Variants in RBFOX1 observed in about 807,000 individuals in gnomAD.
RBFOX1 encodes RNA binding protein fox-1 homolog 1.
In RBFOX1, 8 loss-of-function variants were observed where a neutral mutation model predicts 57.7. That is an observed-to-expected ratio of 0.14 (90% CI 0.08 to 0.25). The LOEUF is 0.25. Among genes scored for constraint, RBFOX1 ranks in the 10% least tolerant of loss-of-function variants. The pLI, the probability that RBFOX1 is intolerant of heterozygous loss-of-function variation, is 1.00. For missense variants in RBFOX1, 611 were observed against 548.5 expected (o/e 1.11, Z -1.14); for synonymous variants, 326 against 222.4 (o/e 1.47, Z -4.15).
chr16:6,860,363 T>C lies in RBFOX1; in HGVS notation c.-15-191694T>C, dbSNP rs2058773711. ...GGGTGGTAATATTTGGGAAGCATCT[T>C]GGAAAGCATTTGTTATTTCAAACTC... On this transcript the variant is annotated intron_variant, in intron 3 of 15. Coordinates refer to ENST00000550418, the MANE Select transcript of RBFOX1 (RefSeq NM_018723.4). Among the ~76,000 whole-genome samples the C allele has an allele frequency of 2.0e-5, 3 of 152,198 alleles. No individual in the cohort carries two copies. The South Asian group carries it at 6.2e-4, about 32-fold the overall frequency.
At chr16:6,042,438 G>C (rs373422132) in intron 1 of RBFOX1, among the ~76,000 whole-genome samples, 1 of 152,020 alleles carries the variant, frequency 6.6e-6, no homozygotes. Context: ...GATTATACTG[G>C]ACCTATCCAG....
intron 3 of RBFOX1, among the ~76,000 whole-genome samples, chr16:6,961,223 G>C (rs2082937391): frequency 1.3e-5 from 2 of 151,866 alleles, no homozygotes; most frequent in South Asian, 4.1e-4. Flanking sequence ...AAGCTGATAG[G>C]ATGTCCCTGA....
rs1449955230 is a variant in RBFOX1, at chr16:7,258,516, T to A, written c.27+206418T>A. 5.3e-5 allele frequency among the ~76,000 whole-genome samples: 8 copies of A among 152,314 alleles called. No homozygotes were observed. The South Asian group carries it at 8.3e-4, about 16-fold the overall frequency. ...GAGGCGAATTACTGCAAGTAGATTA[T>A]GAAATATTGTTGTACATGCACGTAA... On this transcript the variant is annotated intron_variant, in intron 4 of 15. Transcript: ENST00000550418.
At chr16:6,048,769 GT>G (rs2095521039) in intron 1 of RBFOX1, among the ~76,000 whole-genome samples, 1 of 152,128 alleles carries the variant, frequency 6.6e-6, no homozygotes, top group Non-Finnish European at 1.5e-5. Flanking sequence ...GGTAGGTATG[GT>G]TTTCGTTCAT....
chr16:6,536,321 T>C (rs1024988886), intron 2 of RBFOX1, among the ~76,000 whole-genome samples: 1 of 152,284 alleles, frequency 6.6e-6, no homozygotes, highest in South Asian at 2.1e-4. Flanking sequence ...AAAATAGATA[T>C]CACTTTGCAA....
intron 1 of RBFOX1, among the ~76,000 whole-genome samples, chr16:6,067,164 G>T (rs2095776189): frequency 6.6e-6 from 1 of 152,138 alleles, no homozygotes; most frequent in South Asian, 2.1e-4. Context: ...TGGTGCTTCT[G>T]TAAGAAGACA....
At chr16:6,595,115 C>T (rs1176259425) in intron 2 of RBFOX1, among the ~76,000 whole-genome samples, 1 of 152,094 alleles carries the variant, frequency 6.6e-6, no homozygotes, top group African/African-American at 2.4e-5. Flanking sequence ...ATTCACAGAG[C>T]TGGGCAATCA....
At chr16:7,178,964 C>T (rs1174625149) in intron 4 of RBFOX1, among the ~76,000 whole-genome samples, 2 of 152,108 alleles carry the variant, frequency 1.3e-5, no homozygotes, top group African/African-American at 2.4e-5. Flanking sequence ...ACTGCTGGCC[C>T]ATTATAATTT....
chr16:5,737,130 C>T (rs1189491352), intron 3 of RBFOX1, among the ~76,000 whole-genome samples: 2 of 152,042 alleles, frequency 1.3e-5, no homozygotes, highest in Non-Finnish European at 2.9e-5. Context: ...CCACTTTCTG[C>T]TGGATGCTTC....
intron 2 of RBFOX1, among the ~76,000 whole-genome samples, chr16:6,559,110 TATGTGTG>T (rs1240815423): frequency 1.1e-5 from 1 of 92,834 alleles, no homozygotes; most frequent in African/African-American, 5.9e-5. Context: ...TATATATACA[TATGTGTG>T]TGTGTGTGTG....
intron 2 of RBFOX1, among the ~76,000 whole-genome samples, chr16:5,470,353 A>G (rs184683044): frequency 2.6e-5 from 4 of 152,316 alleles, no homozygotes; most frequent in East Asian, 1.9e-4. Context: ...GGTCCCTGGT[A>G]TACCCCCTTT....
intron 1 of RBFOX1, among the ~76,000 whole-genome samples, chr16:5,312,907 G>A (rs2064131045): frequency 6.6e-6 from 1 of 152,196 alleles, no homozygotes; most frequent in East Asian, 1.9e-4. Context: ...CAGTCTTGCT[G>A]CCTCTCACAT....
At chr16:6,293,902 GT>G (rs57616106) in intron 1 of RBFOX1, among the ~76,000 whole-genome samples, 3,024 of 18,182 alleles carry the variant, frequency 0.17, 107 homozygotes, top group African/African-American at 0.26. Flanking sequence ...GAGCGGGGGG[GT>G]GGTGGAAATA....
rs373242721 is a variant in RBFOX1 at position 6,799,762 on chromosome 16, T to G, written c.-16+145112T>G. On this transcript the variant is annotated intron_variant, in intron 3 of 15. Transcript: ENST00000550418. ...CCTTGACCATCAGCCTCCAGGTTCT[T>G]TAGCCTTTGGACCGCTGGACTTAAC... Among the ~76,000 whole-genome samples, 7 of 152,214 alleles carry G rather than the reference T, an allele frequency of 4.6e-5. No individual in the cohort carries two copies. The South Asian group carries it at 1.2e-3, about 27-fold the overall frequency.
intron 3 of RBFOX1, among the ~76,000 whole-genome samples, chr16:5,804,558 G>A (rs1247333746): frequency 6.6e-6 from 1 of 152,170 alleles, no homozygotes; most frequent in Non-Finnish European, 1.5e-5. Flanking sequence ...TTCCAGGTAT[G>A]AGTTGCATTC....
At chr16:7,373,811 C>A (rs530844280) in intron 4 of RBFOX1, among the ~76,000 whole-genome samples, 1 of 152,288 alleles carries the variant, frequency 6.6e-6, no homozygotes, top group Non-Finnish European at 1.5e-5. Context: ...CACAGAGCAA[C>A]TTTTTTCAAG....
intron 4 of RBFOX1, among the ~76,000 whole-genome samples, chr16:5,982,468 G>T (rs2060193435): frequency 6.6e-6 from 1 of 152,034 alleles, no homozygotes; most frequent in Non-Finnish European, 1.5e-5. Context: ...TAGAGAAGGG[G>T]TTTCGCCATG....
chr16:6,178,652 C>G (rs2097034513), intron 1 of RBFOX1, among the ~76,000 whole-genome samples: 1 of 152,176 alleles, frequency 6.6e-6, no homozygotes, highest in South Asian at 2.1e-4. Context: ...GTTATTGAAT[C>G]TAGAATCTTT....
At chr16:6,077,226 A>G (rs1432167567) in intron 1 of RBFOX1, among the ~76,000 whole-genome samples, 3 of 152,130 alleles carry the variant, frequency 2.0e-5, no homozygotes, top group Non-Finnish European at 4.4e-5. Flanking sequence ...CTCTGCTGAC[A>G]TTTCAGAGAT....
Sources: gnomAD v4.1 joint callset for allele counts (sites outside exome capture counted in the v4.1 genomes callset) on GRCh38, gnomAD v4.1.1 for gene constraint, MANE v1.5 for transcripts, NCBI Gene and HGNC (gene_info 2026-07-23, HGNC 2026-07-21) for gene names.